RBM39: variants seen among roughly 807,000 people sequenced by gnomAD.
RBM39 encodes RNA-binding protein 39.
Under a neutral mutation model 79.6 loss-of-function variants are expected in RBM39, and 12 were observed. The observed-to-expected ratio is 0.15, with a 90% CI of 0.10 to 0.24. The LOEUF is 0.24. RBM39 is among the 10% of genes least tolerant of loss of function. RBM39 has a pLI of 1.00. For synonymous variants in RBM39, 185 were observed against 208.4 expected, an observed-to-expected ratio of 0.89 and a Z score of 0.97; for missense variants, 243 against 653.4, an observed-to-expected ratio of 0.37 and a Z score of 6.85.
Position 35,716,824 on chromosome 20 carries a change from A to G in RBM39, c.826-19T>C. The G allele has an allele frequency of 6.4e-7, 1 of 1,555,990 alleles. No homozygotes were observed. The highest frequency in any genetic ancestry group is 8.8e-7 in the Non-Finnish European group (1 of 1,136,944). ...TTTCAATCTATAATTGAAAAGCATA[A>G]TTACTATAACTTAAAAGCAGAGTAC... On this transcript the variant is annotated intron_variant, in intron 9 of 16. Transcript: ENST00000253363.
At chr20:35,719,858 C>A (rs1055531159) in intron 9 of RBM39, among the ~76,000 whole-genome samples, 1 of 151,998 alleles carries the variant, frequency 6.6e-6, no homozygotes, top group Non-Finnish European at 1.5e-5. Flanking sequence ...TCTCGGCTCA[C>A]TGCAATCTCT....
intron 8 of RBM39, among the ~76,000 whole-genome samples, chr20:35,722,856 C>T (rs1170035351): frequency 1.3e-5 from 2 of 151,560 alleles, no homozygotes; most frequent in African/African-American, 2.4e-5. Flanking sequence ...ATGGCGTGAA[C>T]CCAGGAGACG....
chr20:35,712,543 A>G (rs2036570421), intron 12 of RBM39, among the ~76,000 whole-genome samples: 1 of 151,122 alleles, frequency 6.6e-6, no homozygotes, highest in Admixed American at 6.6e-5. Context: ...ACGTCAATTC[A>G]CCCTTCTTTT....
At chr20:35,729,694 T>A in intron 4 of RBM39, 167 bp from the exon 5 acceptor site, 1 of 648,596 alleles carries the variant, frequency 1.5e-6, no homozygotes, top group Non-Finnish European at 2.6e-6. Flanking sequence ...CCAGGCAAGC[T>A]GCCCTTGTAT....
At chr20:35,720,306 G>A (rs1274279343) in intron 9 of RBM39, among the ~76,000 whole-genome samples, 1 of 152,150 alleles carries the variant, frequency 6.6e-6, no homozygotes, top group Non-Finnish European at 1.5e-5. Context: ...TCTGAATTGA[G>A]CTCAAGACCA....
intron 10 of RBM39, among the ~76,000 whole-genome samples, chr20:35,714,778 C>CAAAATAGTCA (rs993022992): frequency 1.6e-4 from 25 of 151,956 alleles, no homozygotes; most frequent in Non-Finnish European, 1.9e-4. Context: ...TGCCCAGGGA[C>CAAAATAGTCA]AAAATAGTCA....
intron 10 of RBM39, 106 bp from the exon 11 acceptor site, chr20:35,714,495 T>C: frequency 7.2e-7 from 1 of 1,383,428 alleles, no homozygotes; most frequent in Non-Finnish European, 9.4e-7. Flanking sequence ...TAATTACTTC[T>C]GAATACTAAG....
intron 11 of RBM39, 87 bp from the exon 12 acceptor site, chr20:35,713,183 T>A: frequency 8.6e-7 from 1 of 1,162,842 alleles, no homozygotes. Context: ...ATCACTTCAC[T>A]AAAATAAATT....
intron 15 of RBM39, 111 bp downstream of exon 15, chr20:35,705,114 A>C (rs2035559843): frequency 1.4e-6 from 1 of 703,446 alleles, no homozygotes; most frequent in Non-Finnish European, 2.4e-6. Flanking sequence ...AGGCACACAC[A>C]CACAAAAACT....
intron 8 of RBM39, 21 bp downstream of exon 8, chr20:35,724,549 C>G: frequency 4.3e-6 from 7 of 1,612,394 alleles, no homozygotes; most frequent in Non-Finnish European, 5.1e-6. Flanking sequence ...TAATCAAACT[C>G]TTAACCAACA....
At chr20:35,737,218 C>T (rs1471304722) in intron 3 of RBM39, among the ~76,000 whole-genome samples, 1 of 151,110 alleles carries the variant, frequency 6.6e-6, no homozygotes, top group Admixed American at 6.6e-5. Context: ...GGTGAATCCC[C>T]ATCTCTACCA....
At chr20:35,732,200 T>C (rs1464553361) in intron 3 of RBM39, 65 bp from the exon 4 acceptor site, 5 of 1,377,770 alleles carry the variant, frequency 3.6e-6, no homozygotes, top group East Asian at 4.6e-5. Flanking sequence ...TACTACCTTT[T>C]ATGGCCAGAA....
chr20:35,737,486 G>A (rs564094989), intron 3 of RBM39, among the ~76,000 whole-genome samples: 2 of 151,794 alleles, frequency 1.3e-5, no homozygotes, highest in South Asian at 4.2e-4. Context: ...CCTGAACCCA[G>A]GAGGCAGAGG....
rs773790077 is a variant in RBM39, at chr20:35,740,812, G to GT, written c.51+11dup. 14 of 1,605,578 alleles carry GT rather than the reference G, an allele frequency of 8.7e-6. No individual in the cohort carries two copies. The highest frequency in any genetic ancestry group is 1.0e-5 in the Non-Finnish European group (12 of 1,175,056). On this transcript the variant is annotated intron_variant, in intron 2 of 16. Coordinates refer to ENST00000253363, the MANE Select transcript of RBM39 (RefSeq NM_184234.3). ...AGAAATATATAAACCTCACCGACAT[G>GT]TTTTTTCTCACCTTCTTGTAAGGAG...
intron 10 of RBM39, 50 bp downstream of exon 10, chr20:35,716,690 A>T: frequency 8.9e-7 from 1 of 1,122,868 alleles, no homozygotes; most frequent in Non-Finnish European, 1.3e-6. Flanking sequence ...CAGCAAATGT[A>T]GTTTAAAAAA....
Position 35,731,929 on chromosome 20 carries a change from AT to A in RBM39, c.296+11del, listed in dbSNP as rs751242456. The A allele has an allele frequency of 7.4e-6, 12 of 1,612,282 alleles. No homozygotes were observed. The highest frequency in any genetic ancestry group is 1.0e-5 in the Non-Finnish European group (12 of 1,179,480). ...TAACCCTCAAACCAAAATCATAACT[AT>A]AGTTACATACTAAGGACTTCTGTAG... On this transcript the variant is annotated intron_variant, in intron 4 of 16. Coordinates refer to ENST00000253363, the MANE Select transcript of RBM39 (RefSeq NM_184234.3).
At chr20:35,715,124 T>A (rs1303315955) in intron 10 of RBM39, among the ~76,000 whole-genome samples, 1 of 152,178 alleles carries the variant, frequency 6.6e-6, no homozygotes, top group Admixed American at 6.5e-5. Flanking sequence ...AATTTCCTGA[T>A]AGAGATATAC....
At chr20:35,733,130 C>A (rs1042942884) in intron 3 of RBM39, among the ~76,000 whole-genome samples, 5 of 151,794 alleles carry the variant, frequency 3.3e-5, no homozygotes, top group African/African-American at 1.2e-4. Flanking sequence ...CGGTGAAATC[C>A]CCTCTCTACC....
At chr20:35,717,471 A>G (rs956376639) in intron 9 of RBM39, among the ~76,000 whole-genome samples, 1 of 152,132 alleles carries the variant, frequency 6.6e-6, no homozygotes, top group Non-Finnish European at 1.5e-5. Flanking sequence ...AACAAAATCA[A>G]CGTTTCCTTC....
Sources: gnomAD v4.1 joint callset for allele counts (sites outside exome capture counted in the v4.1 genomes callset) on GRCh38, gnomAD v4.1.1 for gene constraint, MANE v1.5 for transcripts, NCBI Gene and HGNC (gene_info 2026-07-23, HGNC 2026-07-21) for gene names.